SV2C: variants seen among roughly 807,000 people sequenced by gnomAD.
SV2C encodes the protein solute carrier family 22 member B3.
SV2C carries 49 observed loss-of-function variants against 79.7 expected under a neutral mutation model. The ratio of observed to expected loss-of-function variants is 0.61; its 90% CI spans 0.49 to 0.78. SV2C has a LOEUF of 0.78. SV2C is among the 30% of genes least tolerant of loss of function. The probability of loss-of-function intolerance (pLI) is 0.00; values close to 1 mark genes in which losing one functional copy is unlikely to be tolerated. For missense variants in SV2C, 833 were observed against 912.9 expected, an observed-to-expected ratio of 0.91 and a Z score of 1.13; for synonymous variants, 334 against 333.2, an observed-to-expected ratio of 1.00 and a Z score of -0.03.
At position 76,329,688 on chromosome 5, in the gene SV2C, A is replaced by G. The variant is rs1226930038; in HGVS notation, c.*4141A>G. On this transcript the variant is annotated 3_prime_UTR_variant, in exon 13 of 13. Transcript: ENST00000502798. ...TACTTTCTGATTCCCTCTGCCAATC[A>G]AAATAGATAGAATATGATATTCTCC... 1.3e-5 allele frequency: 2 copies of G among 152,168 alleles called. No individual in the cohort carries two copies. The highest frequency in any genetic ancestry group is 2.9e-5 in the Non-Finnish European group (2 of 68,036). 9.4% of individuals were successfully genotyped at this position (152,168 alleles called of 1,614,324 possible). A position where few individuals can be genotyped will look rare whatever the true frequency, so the allele number is the denominator to read the frequency against.
the SV2C span, among the ~76,000 whole-genome samples, chr5:75,929,773 T>G: frequency 6.6e-6 from 1 of 151,294 alleles, no homozygotes; most frequent in Non-Finnish European, 1.5e-5. Context: ...TTTATGTAGT[T>G]TTATACTCTG....
intron 10 of SV2C, among the ~76,000 whole-genome samples, chr5:76,300,193 T>TTATTATTATTA (rs1338698433): frequency 2.3e-5 from 2 of 88,326 alleles, no homozygotes; most frequent in East Asian, 3.6e-4. Flanking sequence ...TATTATTATT[T>TTATTATTATTA]TTGTAGAGAT....
chr5:75,951,004 C>T, the SV2C span, among the ~76,000 whole-genome samples: 5 of 151,950 alleles, frequency 3.3e-5, no homozygotes, highest in South Asian at 2.1e-4. Context: ...TATGCTGACT[C>T]CTACCACCCA....
intron 12 of SV2C, among the ~76,000 whole-genome samples, chr5:76,305,451 A>G (rs1320228401): frequency 6.6e-6 from 1 of 152,102 alleles, no homozygotes; most frequent in Non-Finnish European, 1.5e-5. Flanking sequence ...CTCACTTCAT[A>G]TGATAAAAAT....
the SV2C span, among the ~76,000 whole-genome samples, chr5:75,966,912 A>G: frequency 6.6e-6 from 1 of 152,228 alleles, no homozygotes; most frequent in African/African-American, 2.4e-5. Flanking sequence ...GGGCTCTGGT[A>G]CTTACTAATC....
At chr5:75,857,474 G>C in the SV2C span, among the ~76,000 whole-genome samples, 1 of 152,062 alleles carries the variant, frequency 6.6e-6, no homozygotes, top group African/African-American at 2.4e-5. Flanking sequence ...CTGTGTGTCT[G>C]TTTATATGCA....
chr5:76,255,745 C>A (rs1319986775), intron 4 of SV2C, among the ~76,000 whole-genome samples: 1 of 152,162 alleles, frequency 6.6e-6, no homozygotes, highest in East Asian at 1.9e-4. Context: ...TATGCGCCCC[C>A]CTCACCCCTC....
At chr5:75,864,661 A>G in the SV2C span, among the ~76,000 whole-genome samples, 6 of 152,212 alleles carry the variant, frequency 3.9e-5, no homozygotes, top group African/African-American at 1.2e-4. Context: ...GTACTTCTCC[A>G]TGCATGGAGA....
chr5:76,070,613 G>C, the SV2C span, among the ~76,000 whole-genome samples: 1 of 152,148 alleles, frequency 6.6e-6, no homozygotes, highest in Admixed American at 6.5e-5. Flanking sequence ...GGGAAGGGTG[G>C]TATGTAGAAG....
rs1371335095 is a variant in SV2C at position 76,330,811 on chromosome 5, T to C, written c.*5264T>C. 7.9e-6 allele frequency: 1 copy of C among 127,024 alleles called. No homozygotes were observed. The highest frequency in any genetic ancestry group is 2.9e-5 in the African/African-American group (1 of 34,348). 7.9% of individuals were successfully genotyped at this position (127,024 alleles called of 1,614,324 possible). ...CTAAGATATTATTCAAGGAAAAGAA[T>C]CAGGAGCAGAGATAGCCCCATCTCT... On this transcript the variant is annotated 3_prime_UTR_variant, in exon 13 of 13. Transcript: ENST00000502798.
chr5:76,143,254 T>C (rs1439787701), intron 2 of SV2C, among the ~76,000 whole-genome samples: 1 of 152,142 alleles, frequency 6.6e-6, no homozygotes, highest in Non-Finnish European at 1.5e-5. Context: ...AAGGCATTAG[T>C]GTGCCCAGGG....
intron 12 of SV2C, among the ~76,000 whole-genome samples, chr5:76,348,421 A>G (rs1749584198): frequency 6.6e-6 from 1 of 152,230 alleles, no homozygotes; most frequent in South Asian, 2.1e-4. Flanking sequence ...AAGTTTTTGT[A>G]TGGACATAAA....
chr5:76,001,313 C>G, the SV2C span, among the ~76,000 whole-genome samples: 3 of 152,092 alleles, frequency 2.0e-5, no homozygotes, highest in African/African-American at 4.8e-5. Context: ...TTAAAAATCT[C>G]TTTTCCGCCA....
At chr5:75,905,284 C>A in the SV2C span, among the ~76,000 whole-genome samples, 1 of 152,272 alleles carries the variant, frequency 6.6e-6, no homozygotes, top group East Asian at 1.9e-4. Context: ...AGAACAAAGA[C>A]CCTTGATATG....
At chr5:75,933,311 CAT>C in the SV2C span, among the ~76,000 whole-genome samples, 27 of 152,274 alleles carry the variant, frequency 1.8e-4, 1 homozygote, top group East Asian at 5.2e-3. Context: ...TGCTTACTCA[CAT>C]GTTTAAGTTT....
chr5:76,215,770 A>G (rs1744893613), intron 4 of SV2C, among the ~76,000 whole-genome samples: 1 of 152,216 alleles, frequency 6.6e-6, no homozygotes, highest in South Asian at 2.1e-4. Context: ...CAGCCTTCTC[A>G]TATTAGTAAT....
At chr5:76,200,964 A>G (rs1744423255) in intron 3 of SV2C, among the ~76,000 whole-genome samples, 1 of 152,198 alleles carries the variant, frequency 6.6e-6, no homozygotes, top group Non-Finnish European at 1.5e-5. Context: ...TTAAACTGAG[A>G]TCTACTTGGG....
At chr5:76,261,355 G>C (rs1034356455) in intron 4 of SV2C, among the ~76,000 whole-genome samples, 3 of 152,014 alleles carry the variant, frequency 2.0e-5, no homozygotes, top group Non-Finnish European at 4.4e-5. Flanking sequence ...GAGACGATAG[G>C]GTTTTCTAAA....
At chr5:76,254,182 G>A (rs10040087) in intron 4 of SV2C, among the ~76,000 whole-genome samples, 68,508 of 141,498 alleles carry the variant, frequency 0.48, 16,050 homozygotes, top group Middle Eastern at 0.58. Context: ...GTATATATAT[G>A]TGTGTGTGTA....
Sources: allele counts gnomAD v4.1 joint callset (sites outside exome capture counted in the v4.1 genomes callset), GRCh38; gene constraint gnomAD v4.1.1; transcripts MANE v1.5; gene names NCBI Gene and HGNC (gene_info 2026-07-23, HGNC 2026-07-21).